KDM1B: variants seen among roughly 807,000 people sequenced by gnomAD.
KDM1B encodes the protein lysine demethylase 1B, also known as lysine-specific histone demethylase 2.
In KDM1B, 63 loss-of-function variants were observed where a neutral mutation model predicts 107.4. That is an observed-to-expected ratio of 0.59 (90% CI 0.48 to 0.72). The LOEUF (loss-of-function observed/expected upper bound fraction) is 0.72. KDM1B is among the 30% of genes least tolerant of loss of function. The pLI is 0.00. For missense variants in KDM1B, 749 were observed against 1,020.8 expected (o/e 0.73, Z 3.63); for synonymous variants, 363 against 363.9 (o/e 1.00, Z 0.03).
rs1466842998 is a variant in KDM1B, at chr6:18,155,669, C to G, written c.-58+98C>G. On this transcript the variant is annotated intron_variant, in intron 1 of 21. Coordinates refer to ENST00000650836, the MANE Select transcript of KDM1B (RefSeq NM_001364614.2). The surrounding 1 kb of genome is among the most constrained non-coding windows in gnomAD (Gnocchi z 6.2). ...AGCTTGGTTGGGGTGCAAGCCCTCCCTTTCCCCCTGTGCAGCGCCCCTCGC... is the reference window on the plus strand; with the variant it reads ...AGCTTGGTTGGGGTGCAAGCCCTCCGTTTCCCCCTGTGCAGCGCCCCTCGC... 1 of 152,454 alleles carries G rather than the reference C, an allele frequency of 6.6e-6. No individual in the cohort carries two copies. The highest frequency in any genetic ancestry group is 1.5e-5 in the Non-Finnish European group (1 of 68,266). The allele number at this position is 152,454 out of a possible 1,614,324, so 9.4% of individuals were successfully genotyped here. A position where few individuals can be genotyped will look rare whatever the true frequency, so the allele number is the denominator to read the frequency against.
intron 2 of KDM1B, among the ~76,000 whole-genome samples, chr6:18,158,613 T>C (rs553362048): frequency 2.0e-5 from 3 of 152,354 alleles, no homozygotes; most frequent in African/African-American, 7.2e-5. Flanking sequence ...TTATTTTTCA[T>C]TTATCATTTT....
chr6:18,207,961 A>G (rs1788501870), intron 16 of KDM1B, among the ~76,000 whole-genome samples, 171 bp from the exon 17 acceptor site: 1 of 152,220 alleles, frequency 6.6e-6, no homozygotes, highest in African/African-American at 2.4e-5. Flanking sequence ...CTGACAGAGT[A>G]TAAATTCTAA....
At chr6:18,217,631 C>A (rs1373798745) in intron 20 of KDM1B, 102 bp from the exon 21 acceptor site, 28 of 890,282 alleles carry the variant, frequency 3.1e-5, no homozygotes, top group Non-Finnish European at 4.7e-5. Context: ...CCCGCCTTAG[C>A]CTCCCAAAGT....
At position 18,197,284 on chromosome 6, in the gene KDM1B, C is replaced by T. The variant is rs747183929; in HGVS notation, c.1146+51C>T. 4.2e-5 allele frequency: 63 copies of T among 1,496,520 alleles called. No homozygotes were observed. The Middle Eastern group carries it at 1.7e-3, about 40-fold the overall frequency. The allele number at this position is 1,496,520 out of a possible 1,614,324, so 92.7% of individuals were successfully genotyped here. On this transcript the variant is annotated intron_variant, in intron 11 of 21. Transcript: ENST00000650836. This position sits in a 1 kb window ranked among gnomAD's most constrained non-coding sequence, Gnocchi z 4.5. ...GCCTTGCCATTGATCAGGACAAACGCTAGTCTGTTGCTGTTAATAAATATA... is the reference window on the plus strand; with the variant it reads ...GCCTTGCCATTGATCAGGACAAACGTTAGTCTGTTGCTGTTAATAAATATA...
At chr6:18,171,242 G>T in intron 6 of KDM1B, 121 bp from the exon 7 acceptor site, 1 of 707,738 alleles carries the variant, frequency 1.4e-6, no homozygotes. Context: ...GGTAATGCAA[G>T]GAGGAGAAAA....
rs1787762512 is a variant in KDM1B at position 18,197,977 on chromosome 6, G to A, written c.1221+316G>A. On this transcript the variant is annotated intron_variant, in intron 12 of 21. Coordinates refer to ENST00000650836, the MANE Select transcript of KDM1B (RefSeq NM_001364614.2). This position sits in a 1 kb window ranked among gnomAD's most constrained non-coding sequence, Gnocchi z 4.5. ...GTCTTGCTCTGTCGCCCAGGCTGGA[G>A]TGCAGCAGTGCGATCTCAGCTCACC... 6.7e-6 allele frequency among the ~76,000 whole-genome samples: 1 copy of A among 149,096 alleles called. No individual in the cohort carries two copies. The highest frequency in any genetic ancestry group is 2.5e-5 in the African/African-American group (1 of 39,968).
chr6:18,185,483 G>A (rs675115), intron 7 of KDM1B, among the ~76,000 whole-genome samples: 11,533 of 152,096 alleles, frequency 0.076, 503 homozygotes, highest in South Asian at 0.22. Context: ...TATATTTTTA[G>A]TAGAGACAGT....
rs1453533633 is a variant in KDM1B at position 18,200,189 on chromosome 6, T to C, written c.1222-250T>C. 6.6e-6 allele frequency among the ~76,000 whole-genome samples: 1 copy of C among 152,216 alleles called. No homozygotes were observed. ...GCATCTGGCCTAGTTCATCAAATCT[T>C]AGTATCTGGTTTGAGTGATTCTTTC... On this transcript the variant is annotated intron_variant, in intron 12 of 21. Coordinates refer to ENST00000650836, the MANE Select transcript of KDM1B (RefSeq NM_001364614.2). The surrounding 1 kb of genome is among the most constrained non-coding windows in gnomAD (Gnocchi z 4.3).
At position 18,200,650 on chromosome 6, in the gene KDM1B, A is replaced by G; in HGVS notation, c.1359+74A>G. The G allele has an allele frequency of 7.8e-6, 11 of 1,416,020 alleles. No homozygotes were observed. The highest frequency in any genetic ancestry group is 1.9e-6 in the Non-Finnish European group (2 of 1,042,414). The allele number at this position is 1,416,020 out of a possible 1,614,324, so 87.7% of individuals were successfully genotyped here. A position where few individuals can be genotyped will look rare whatever the true frequency, so the allele number is the denominator to read the frequency against. ...TTCAATTTGCTTGTGTGCAGTATTA[A>G]TATGCTTCTAAAGTAAATTACATAT... On this transcript the variant is annotated intron_variant, in intron 13 of 21. Transcript: ENST00000650836. This position sits in a 1 kb window ranked among gnomAD's most constrained non-coding sequence, Gnocchi z 4.3.
intron 7 of KDM1B, among the ~76,000 whole-genome samples, chr6:18,179,850 C>CTTTTTTTTTTTTTT: frequency 1.0e-4 from 1 of 9,644 alleles, no homozygotes. Context: ...GTTTTTTTTC[C>CTTTTTTTTTTTTTT]TTTTTTTTTT....
chr6:18,221,669 A>T (rs1219181083), intron 21 of KDM1B, among the ~76,000 whole-genome samples: 1 of 152,184 alleles, frequency 6.6e-6, no homozygotes, highest in East Asian at 1.9e-4. Flanking sequence ...CCTATCACAT[A>T]TACTTAGTAT....
intron 21 of KDM1B, among the ~76,000 whole-genome samples, chr6:18,219,442 T>C (rs553719362): frequency 1.1e-4 from 16 of 152,322 alleles, no homozygotes; most frequent in Admixed American, 3.3e-4. Context: ...TCATCTCTTA[T>C]GCTACTTTTG....
rs147809546 is a variant in KDM1B, at chr6:18,160,504, C to T, written c.87+522C>T. ...CTGCAATCCCAGCACTTTGGGAGTC[C>T]GAGGCCGGTGGATCACAAGGTCAGG... On this transcript the variant is annotated intron_variant, in intron 3 of 21. Transcript: ENST00000650836. Among the ~76,000 whole-genome samples the T allele has an allele frequency of 2.3e-3, 351 of 152,160 alleles. 2 individuals carry two copies. The highest frequency in any genetic ancestry group is 7.5e-3 in the African/African-American group (313 of 41,526).
intron 9 of KDM1B, among the ~76,000 whole-genome samples, chr6:18,189,325 C>G (rs557916277): frequency 1.3e-5 from 2 of 151,982 alleles, no homozygotes; most frequent in Admixed American, 6.6e-5. Context: ...AATGAAGATG[C>G]GATGAAGAGG....
Position 18,208,188 on chromosome 6 carries a change from A to G in KDM1B, c.1848A>G (p.Thr616=). ...DEVQVTTTDG[T]GYSAQKVLVT... Reference sequence around the variant, plus strand: ...TGCAGGTTACCACTACAGATGGCACAGGGTATTCTGCACAAAAGGTAAGAG... The same window carrying G: ...TGCAGGTTACCACTACAGATGGCACGGGGTATTCTGCACAAAAGGTAAGAG... The change falls in exon 17 of 22, where the codon ACA becomes ACG. Residue 616 remains threonine (T), a synonymous_variant. Coordinates refer to ENST00000650836, the MANE Select transcript of KDM1B (RefSeq NM_001364614.2). 1 of 1,613,452 alleles carries G rather than the reference A, an allele frequency of 6.2e-7. No homozygotes were observed. Among genetic ancestry groups the G allele is most frequent in the Non-Finnish European group, 8.5e-7 (1 of 1,179,476 alleles).
rs1789049122 is a variant in KDM1B at position 18,214,116 on chromosome 6, C to T, written c.2109+335C>T. 6.6e-6 allele frequency among the ~76,000 whole-genome samples: 1 copy of T among 152,050 alleles called. No homozygotes were observed. The highest frequency in any genetic ancestry group is 6.6e-5 in the Admixed American group (1 of 15,256). On this transcript the variant is annotated intron_variant, in intron 19 of 21. Coordinates refer to ENST00000650836, the MANE Select transcript of KDM1B (RefSeq NM_001364614.2). This position sits in a 1 kb window ranked among gnomAD's most constrained non-coding sequence, Gnocchi z 4.4. ...GCTTGAAACTTCCTCTCTGAGGGTC[C>T]TCTAGGGAGCTGGGAAAGGGTGTAT...
chr6:18,222,144 T>A lies in KDM1B; in HGVS notation c.*152T>A, dbSNP rs757038628. The A allele has an allele frequency of 5.2e-6, 4 of 762,622 alleles. No individual in the cohort carries two copies. Among genetic ancestry groups the A allele is most frequent in the Non-Finnish European group, 9.3e-6 (4 of 430,458 alleles). 47.2% of individuals were successfully genotyped at this position (762,622 alleles called of 1,614,324 possible). On this transcript the variant is annotated 3_prime_UTR_variant, in exon 22 of 22. Coordinates refer to ENST00000650836, the MANE Select transcript of KDM1B (RefSeq NM_001364614.2). ...GATATGATAATGCAAACCTATTTCA[T>A]CACTCTAAAAGCACTGACCTCAAAA...
At chr6:18,188,166 C>G (rs1787001484) in intron 9 of KDM1B, among the ~76,000 whole-genome samples, 164 bp downstream of exon 9, 1 of 152,100 alleles carries the variant, frequency 6.6e-6, no homozygotes, top group African/African-American at 2.4e-5. Context: ...AGGAGGGTCC[C>G]TTGAGGCCAG....
At chr6:18,174,784 C>T (rs1785886398) in intron 7 of KDM1B, among the ~76,000 whole-genome samples, 1 of 152,110 alleles carries the variant, frequency 6.6e-6, no homozygotes, top group Non-Finnish European at 1.5e-5. Context: ...CTGCAAATGC[C>T]GTTAATTCAT....
Sources: allele counts gnomAD v4.1 joint callset (sites outside exome capture counted in the v4.1 genomes callset), GRCh38; gene constraint gnomAD v4.1.1; non-coding constraint Gnocchi (gnomAD v3.1); transcripts MANE v1.5; gene names NCBI Gene and HGNC (gene_info 2026-07-23, HGNC 2026-07-21).